Variants in CPLANE1 observed in about 807,000 individuals in gnomAD.
CPLANE1 encodes the protein ciliogenesis and planar polarity effector complex subunit 1.
Under a neutral mutation model 362.5 loss-of-function variants are expected in CPLANE1, and 263 were observed. The ratio of observed to expected loss-of-function variants is 0.73; its 90% CI spans 0.66 to 0.80. The LOEUF is 0.80. Among genes scored for constraint, CPLANE1 ranks in the 30% least tolerant of loss-of-function variants. The pLI, the probability that CPLANE1 is intolerant of heterozygous loss-of-function variation, is 0.00. For synonymous variants in CPLANE1, 1,212 were observed against 1,302.6 expected, an observed-to-expected ratio of 0.93 and a Z score of 1.50; for missense variants, 3,461 against 3,793.4, an observed-to-expected ratio of 0.91 and a Z score of 2.30.
At chr5:37,210,077 T>C in intron 16 of CPLANE1, 1 of 804,120 alleles carries the variant, frequency 1.2e-6, no homozygotes, top group Non-Finnish European at 2.2e-6. Context: ...AAAAAAAGTA[T>C]GAGAAGGAAT....
chr5:37,209,561 G>A lies in CPLANE1; in HGVS notation c.2921-3136C>T. 7.6e-7 allele frequency: 1 copy of A among 1,323,728 alleles called. No individual in the cohort carries two copies. The highest frequency in any genetic ancestry group is 1.7e-5 in the Admixed American group (1 of 59,418). 82.0% of individuals were successfully genotyped at this position (1,323,728 alleles called of 1,614,324 possible). ...AACCTCAGTCCATTTCAGTGCAAGG[G>A]AGCTCCCTCTTAATAAGTGCCTCTA... On this transcript the variant is annotated intron_variant, in intron 16 of 52. Coordinates refer to ENST00000651892, the MANE Select transcript of CPLANE1 (RefSeq NM_001384732.1). The surrounding 1 kb of genome is among the most constrained non-coding windows in gnomAD (Gnocchi z 4.6).
chr5:37,249,093 C>T (rs971116012), intron 1 of CPLANE1, among the ~76,000 whole-genome samples, 152 bp downstream of exon 1: 2 of 152,222 alleles, frequency 1.3e-5, no homozygotes, highest in East Asian at 1.9e-4. Context: ...TGGGGATGTA[C>T]CAGGGCCGGG....
chr5:37,205,973 AGTT>A (rs1181089966), intron 17 of CPLANE1, among the ~76,000 whole-genome samples: 1 of 152,218 alleles, frequency 6.6e-6, no homozygotes, highest in Non-Finnish European at 1.5e-5. Context: ...AATTAACTAA[AGTT>A]AAATTGAAAA....
chr5:37,189,623 C>T (rs1327970469), intron 21 of CPLANE1, among the ~76,000 whole-genome samples: 1 of 152,160 alleles, frequency 6.6e-6, no homozygotes, highest in Non-Finnish European at 1.5e-5. Context: ...TGGATTACAA[C>T]CTTTTATTAG....
the CPLANE1 span, among the ~76,000 whole-genome samples, chr5:37,096,111 C>A: frequency 1.3e-5 from 2 of 152,124 alleles, no homozygotes; most frequent in Admixed American, 1.3e-4. Context: ...AAAGAGCCCA[C>A]ATAGCCAAAG....
At chr5:37,157,555 A>C in intron 40 of CPLANE1, 115 bp downstream of exon 40, 1 of 1,125,666 alleles carries the variant, frequency 8.9e-7, no homozygotes, top group Non-Finnish European at 1.3e-6. Context: ...GCATGTAAAC[A>C]TCCAAAAATA....
At chr5:37,231,421 G>T (rs370922536) in intron 8 of CPLANE1, among the ~76,000 whole-genome samples, 3 of 152,126 alleles carry the variant, frequency 2.0e-5, no homozygotes, top group Non-Finnish European at 4.4e-5. Flanking sequence ...ATACAAATAA[G>T]CCAGGCGTGG....
the CPLANE1 span, among the ~76,000 whole-genome samples, chr5:37,098,194 C>G: frequency 0.14 from 21,310 of 151,470 alleles, 1,706 homozygotes; most frequent in African/African-American, 0.21. Flanking sequence ...GAGTTCGAGA[C>G]CAGCCTGGCC....
At chr5:37,174,910 T>C (rs1780748581) in intron 31 of CPLANE1, among the ~76,000 whole-genome samples, 3 of 152,228 alleles carry the variant, frequency 2.0e-5, no homozygotes. Context: ...TTGAGAATCA[T>C]GTTTCTCACA....
chr5:37,133,806 C>T (rs936357415), intron 46 of CPLANE1, among the ~76,000 whole-genome samples: 3 of 152,106 alleles, frequency 2.0e-5, no homozygotes, highest in Non-Finnish European at 4.4e-5. Context: ...ACTTCCAGTA[C>T]TGTGTTAAAT....
chr5:37,119,129 T>C (rs1348802297), intron 50 of CPLANE1, among the ~76,000 whole-genome samples: 2 of 152,164 alleles, frequency 1.3e-5, no homozygotes, highest in Admixed American at 1.3e-4. Context: ...AACTCAAATA[T>C]GGCACAATTA....
intron 50 of CPLANE1, among the ~76,000 whole-genome samples, chr5:37,116,894 T>A (rs1761182156): frequency 6.6e-6 from 1 of 152,146 alleles, no homozygotes; most frequent in Admixed American, 6.6e-5. Flanking sequence ...TGGATTTCCC[T>A]CCATTCTCCC....
In CPLANE1 at chr5:37,244,603, G is replaced by C; in HGVS notation, c.342C>G (p.Ser114Arg). The change falls in exon 5 of 53, where the codon AGC becomes AGG. Residue 114 changes from serine (S) to arginine (R), a missense_variant. Transcript: ENST00000651892. ...ATACATACAAGTACAGTCTCAAAGA[G>C]CTTGCTAAAAAAGTAACAAAAAAAG... ...PKEMIKATVA[S>R]SLRLYLYVSG... is the part of the protein sequence containing the mutation. The C allele has an allele frequency of 6.6e-7, 1 of 1,518,192 alleles. No homozygotes were observed. Among genetic ancestry groups the C allele is most frequent in the Non-Finnish European group, 8.8e-7 (1 of 1,132,036 alleles). 94.0% of individuals were successfully genotyped at this position (1,518,192 alleles called of 1,614,324 possible).
At position 37,184,841 on chromosome 5, in the gene CPLANE1, C is replaced by G. The variant is rs111592427; in HGVS notation, c.4428G>C (p.Thr1476=). ...GDSVVHSDAD[T]FSEALSVEEK... Reference sequence around the variant, plus strand: ...CTTCAACCGACAAAGCTTCAGAGAACGTATCTGCATCACTGTGAACCACAG... The same window carrying G: ...CTTCAACCGACAAAGCTTCAGAGAAGGTATCTGCATCACTGTGAACCACAG... The change falls in exon 25 of 53, where the codon ACG becomes ACC. Residue 1476 remains threonine, a synonymous_variant. Coordinates refer to ENST00000651892, the MANE Select transcript of CPLANE1 (RefSeq NM_001384732.1). The G allele has an allele frequency of 1.9e-6, 3 of 1,613,866 alleles. No homozygotes were observed. Among genetic ancestry groups the G allele is most frequent in the Non-Finnish European group, 1.7e-6 (2 of 1,179,890 alleles).
At chr5:37,095,642 G>A in the CPLANE1 span, among the ~76,000 whole-genome samples, 7 of 152,090 alleles carry the variant, frequency 4.6e-5, no homozygotes, top group East Asian at 1.9e-4. Context: ...TCAAACTGTC[G>A]CTGTTTGCTG....
chr5:37,098,186 G>A, the CPLANE1 span, among the ~76,000 whole-genome samples: 1 of 151,774 alleles, frequency 6.6e-6, no homozygotes, highest in South Asian at 2.1e-4. Context: ...AAGATCAGGA[G>A]TTCGAGACCA....
At chr5:37,155,668 C>A (rs1268820823) in intron 41 of CPLANE1, among the ~76,000 whole-genome samples, 1 of 152,252 alleles carries the variant, frequency 6.6e-6, no homozygotes, top group Non-Finnish European at 1.5e-5. Flanking sequence ...AGCCACCACA[C>A]CCAGCCAAAC....
At chr5:37,166,337 T>G (rs1778225605) in intron 35 of CPLANE1, among the ~76,000 whole-genome samples, 1 of 152,186 alleles carries the variant, frequency 6.6e-6, no homozygotes, top group Non-Finnish European at 1.5e-5. Flanking sequence ...TCCTGCTTAC[T>G]GTAAGAGTCT....
Position 37,165,658 on chromosome 5 carries a change from C to T in CPLANE1, c.7414G>A (p.Ala2472Thr), listed in dbSNP as rs866330679. ...KDSKKRQRRRAEKELQEKRCE... is the reference protein window; with the variant it reads ...KDSKKRQRRRTEKELQEKRCE... ...CTTTTTTCTTGCAGCTCTTTCTCAG[C>T]TCTTCTTCTTTGCCTGTTAAACATA... is the stretch of plus-strand genomic sequence containing the variant. Residue 2472 changes from alanine (A) to threonine (T), a missense_variant, in exon 36 of 53, where the codon GCT becomes ACT. Around this residue, in one of 2 missense-constraint regions of CPLANE1, gnomAD observed 3,380 missense variants for 3,666.1 expected, o/e 0.92. Coordinates refer to ENST00000651892, the MANE Select transcript of CPLANE1 (RefSeq NM_001384732.1). The T allele has an allele frequency of 5.0e-5, 81 of 1,606,858 alleles. No individual in the cohort carries two copies. The Admixed American group carries it at 1.4e-3, about 28-fold the overall frequency.
Sources: gnomAD v4.1 joint callset for allele counts (sites outside exome capture counted in the v4.1 genomes callset) on GRCh38, gnomAD v4.1.1 for gene constraint, gnomAD v4.1.1 regional missense constraint, Gnocchi (gnomAD v3.1) non-coding constraint, MANE v1.5 for transcripts, NCBI Gene and HGNC (gene_info 2026-07-23, HGNC 2026-07-21) for gene names.